SOX5: variants seen among roughly 807,000 people sequenced by gnomAD.
SOX5 encodes SRY-box transcription factor 5, also known as transcription factor SOX-5.
A neutral mutation model predicts 92.0 loss-of-function variants in SOX5; 9 were observed. The observed-to-expected ratio is 0.10, with a 90% confidence interval of 0.06 to 0.17. The LOEUF (loss-of-function observed/expected upper bound fraction) is 0.17. Ranked by LOEUF, SOX5 falls within the 10% of genes least tolerant of loss-of-function variation. SOX5 has a pLI of 1.00. For missense variants in SOX5, 642 were observed against 944.5 expected (o/e 0.68, Z 4.20); for synonymous variants, 344 against 336.3 (o/e 1.02, Z -0.25).
At chr12:24,040,745 C>A (rs888673142) in intron 4 of SOX5, among the ~76,000 whole-genome samples, 1 of 151,984 alleles carries the variant, frequency 6.6e-6, no homozygotes. Flanking sequence ...TGGTGGCGGG[C>A]GCCTGTAGTC....
intron 6 of SOX5, among the ~76,000 whole-genome samples, chr12:23,694,571 T>C (rs1326971601): frequency 6.6e-6 from 1 of 152,136 alleles, no homozygotes; most frequent in Non-Finnish European, 1.5e-5. Context: ...AGAGGTATAA[T>C]TTACATACAA....
intron 10 of SOX5, among the ~76,000 whole-genome samples, chr12:23,569,214 T>C (rs1020406561): frequency 2.6e-5 from 4 of 151,996 alleles, no homozygotes; most frequent in Non-Finnish European, 4.4e-5. Flanking sequence ...AAAATATCTA[T>C]TTATCTCTCT....
At chr12:24,114,021 T>C (rs1947684694) in intron 4 of SOX5, among the ~76,000 whole-genome samples, 1 of 152,172 alleles carries the variant, frequency 6.6e-6, no homozygotes, top group Non-Finnish European at 1.5e-5. Flanking sequence ...AAAAGACCTC[T>C]CTATTTTGAA....
intron 6 of SOX5, among the ~76,000 whole-genome samples, chr12:23,711,632 C>T (rs1240349324): frequency 6.6e-6 from 1 of 151,998 alleles, no homozygotes; most frequent in East Asian, 1.9e-4. Flanking sequence ...GCTTATAAAA[C>T]ACATGATGAA....
chr12:24,156,650 T>G (rs911153681), intron 4 of SOX5, among the ~76,000 whole-genome samples: 2 of 152,180 alleles, frequency 1.3e-5, no homozygotes, highest in East Asian at 3.8e-4. Flanking sequence ...AATTAATTTA[T>G]GTACTCATAT....
At chr12:24,336,613 C>G (rs2141028978) in intron 2 of SOX5, among the ~76,000 whole-genome samples, 1 of 152,272 alleles carries the variant, frequency 6.6e-6, no homozygotes, top group African/African-American at 2.4e-5. Flanking sequence ...AAGAAATTTT[C>G]ATACAGTGAA....
chr12:23,923,293 AAATGAATG>A (rs142332141), intron 1 of SOX5, among the ~76,000 whole-genome samples: 3,371 of 149,120 alleles, frequency 0.023, 143 homozygotes, highest in African/African-American at 0.079. Context: ...ACCCAAAAAT[AAATGAATG>A]AATGAATGAA....
chr12:24,014,332 A>G (rs1953320846), intron 4 of SOX5, among the ~76,000 whole-genome samples: 1 of 152,186 alleles, frequency 6.6e-6, no homozygotes, highest in Non-Finnish European at 1.5e-5. Context: ...ACCTGTGAGA[A>G]TATGAGGGAG....
intron 4 of SOX5, among the ~76,000 whole-genome samples, chr12:24,045,858 G>A (rs1356009251): frequency 6.6e-6 from 1 of 151,992 alleles, no homozygotes; most frequent in Non-Finnish European, 1.5e-5. Flanking sequence ...TGGCCAGGGA[G>A]CTGCATGGTT....
intron 2 of SOX5, among the ~76,000 whole-genome samples, chr12:24,277,865 A>G (rs1944677498): frequency 6.6e-6 from 1 of 152,138 alleles, no homozygotes; most frequent in African/African-American, 2.4e-5. Flanking sequence ...TAATTGTTAA[A>G]TGTTCAGCTA....
chr12:24,163,184 T>A (rs1283038246), intron 4 of SOX5, among the ~76,000 whole-genome samples: 3 of 152,114 alleles, frequency 2.0e-5, no homozygotes, highest in Non-Finnish European at 4.4e-5. Context: ...AATCATAGCA[T>A]AATTCAGTTA....
intron 2 of SOX5, among the ~76,000 whole-genome samples, chr12:24,341,988 T>A (rs1952630561): frequency 6.6e-6 from 1 of 152,180 alleles, no homozygotes; most frequent in Non-Finnish European, 1.5e-5. Context: ...ATCCCCTCCA[T>A]AAAACTATCT....
At position 24,356,777 on chromosome 12, in the gene SOX5, C is replaced by T. The variant is rs542179052; in HGVS notation, c.-174+11786G>A. Among the ~76,000 whole-genome samples, 11 of 152,260 alleles carry T rather than the reference C, an allele frequency of 7.2e-5. No homozygotes were observed. In the South Asian group the frequency reaches 2.1e-3, roughly 29 times the overall value. ...GTTTTCTGTAAAAGCTGATTATTTT[C>T]CCATTTTTAAAAAAACCTCTGAATG... On this transcript the variant is annotated intron_variant, in intron 2 of 4. Transcript: ENST00000446891.
intron 4 of SOX5, among the ~76,000 whole-genome samples, chr12:24,192,602 T>C (rs1199498236): frequency 6.6e-6 from 1 of 152,218 alleles, no homozygotes. Flanking sequence ...ACCAAAATAT[T>C]GCTTTTCAAA....
At chr12:24,428,375 T>A (rs1033781276) in intron 1 of SOX5, among the ~76,000 whole-genome samples, 1 of 152,164 alleles carries the variant, frequency 6.6e-6, no homozygotes, top group South Asian at 2.1e-4. Context: ...ATTTTTAAAT[T>A]CAATGTGCCA....
At chr12:24,447,623 A>G (rs915220123) in intron 1 of SOX5, among the ~76,000 whole-genome samples, 44 of 152,202 alleles carry the variant, frequency 2.9e-4, no homozygotes, top group Non-Finnish European at 2.9e-5. Context: ...AAACTATAAC[A>G]ACATAATATG....
intron 8 of SOX5, among the ~76,000 whole-genome samples, chr12:23,637,072 G>C (rs550009079): frequency 6.6e-6 from 1 of 152,284 alleles, no homozygotes; most frequent in Admixed American, 6.5e-5. Context: ...CACTTTACAT[G>C]AGTTAAAATC....
chr12:24,013,346 G>A (rs767302374), intron 4 of SOX5, among the ~76,000 whole-genome samples: 1 of 152,056 alleles, frequency 6.6e-6, no homozygotes, highest in Non-Finnish European at 1.5e-5. Flanking sequence ...ATAAAAAAGA[G>A]GTATTGAGAA....
At chr12:24,289,742 A>G (rs1480474100) in intron 2 of SOX5, among the ~76,000 whole-genome samples, 1 of 151,988 alleles carries the variant, frequency 6.6e-6, no homozygotes, top group Non-Finnish European at 1.5e-5. Context: ...GGCGTGAGCC[A>G]CCGCGCCCGG....
Sources: gnomAD v4.1 joint callset for allele counts (sites outside exome capture counted in the v4.1 genomes callset) on GRCh38, gnomAD v4.1.1 for gene constraint, MANE v1.5 for transcripts, NCBI Gene and HGNC (gene_info 2026-07-23, HGNC 2026-07-21) for gene names.